Variants in ADAMTSL1 observed in about 807,000 individuals in gnomAD.
The protein encoded by ADAMTSL1 is ADAMTS like 1.
Under a neutral mutation model 201.8 loss-of-function variants are expected in ADAMTSL1, and 126 were observed. That is an observed-to-expected ratio of 0.62 (90% CI 0.54 to 0.72). ADAMTSL1 has a LOEUF of 0.72. Ranked by LOEUF, ADAMTSL1 falls within the 30% of genes least tolerant of loss-of-function variation. The pLI is 0.00. For synonymous variants in ADAMTSL1, 1,121 were observed against 903.4 expected, an observed-to-expected ratio of 1.24 and a Z score of -4.32; for missense variants, 2,679 against 2,277.8, an observed-to-expected ratio of 1.18 and a Z score of -3.59.
At position 18,711,415 on chromosome 9, in the gene ADAMTSL1, G is replaced by A. The variant is rs572118845; in HGVS notation, c.1876+4367G>A. 2.0e-4 allele frequency among the ~76,000 whole-genome samples: 31 copies of A among 152,364 alleles called. No individual in the cohort carries two copies. In the East Asian group the frequency reaches 5.4e-3, roughly 27 times the overall value. On this transcript the variant is annotated intron_variant, in intron 14 of 28. Coordinates refer to ENST00000380548, the MANE Select transcript of ADAMTSL1 (RefSeq NM_001040272.6). ...CACCGTGCGCGAGCCGAAGCAGGGCGAGGCATTGCCTCACTCGGGAAGCGC... is the reference window on the plus strand; with the variant it reads ...CACCGTGCGCGAGCCGAAGCAGGGCAAGGCATTGCCTCACTCGGGAAGCGC...
chr9:18,282,464 C>T (rs960818559), intron 2 of ADAMTSL1, among the ~76,000 whole-genome samples: 4 of 152,150 alleles, frequency 2.6e-5, no homozygotes, highest in Non-Finnish European at 5.9e-5. Context: ...GTGGGAATTT[C>T]TCAGATTAAT....
chr9:18,072,189 C>G (rs965707810), intron 1 of ADAMTSL1, among the ~76,000 whole-genome samples: 5 of 152,158 alleles, frequency 3.3e-5, no homozygotes, highest in African/African-American at 1.2e-4. Context: ...CAAAAATGGG[C>G]TGATTGAAGG....
intron 26 of ADAMTSL1, among the ~76,000 whole-genome samples, chr9:18,897,506 G>A (rs942709756): frequency 1.3e-5 from 2 of 152,238 alleles, no homozygotes; most frequent in South Asian, 2.1e-4. Context: ...AGAGCTCCTA[G>A]AGGAAGGGGC....
intron 2 of ADAMTSL1, among the ~76,000 whole-genome samples, chr9:18,451,815 A>G (rs551562005): frequency 6.6e-6 from 1 of 152,364 alleles, no homozygotes; most frequent in Non-Finnish European, 1.5e-5. Flanking sequence ...GGGAAGTCCA[A>G]GACTGAAGGG....
chr9:18,020,160 A>T (rs1181435867), intron 1 of ADAMTSL1, among the ~76,000 whole-genome samples: 1 of 152,030 alleles, frequency 6.6e-6, no homozygotes, highest in African/African-American at 2.4e-5. Flanking sequence ...AGACCTTGGA[A>T]GTAGATGGAT....
chr9:18,518,290 G>GC (rs1221355863), intron 2 of ADAMTSL1, among the ~76,000 whole-genome samples: 3 of 149,912 alleles, frequency 2.0e-5, no homozygotes, highest in African/African-American at 4.9e-5. Flanking sequence ...TTTCCACCCC[G>GC]CCCCCCAACC....
chr9:18,757,009 C>G (rs868246139), intron 16 of ADAMTSL1, among the ~76,000 whole-genome samples: 19 of 147,252 alleles, frequency 1.3e-4, no homozygotes, highest in African/African-American at 4.3e-4. Flanking sequence ...GCATGGAGTT[C>G]AAGTATTGAT....
chr9:18,306,183 C>T lies in ADAMTSL1; in HGVS notation c.207+142202C>T, dbSNP rs140233851. Among the ~76,000 whole-genome samples the T allele has an allele frequency of 5.7e-3, 872 of 152,216 alleles. 4 individuals are homozygous for T. The highest frequency in any genetic ancestry group is 0.024 in the Middle Eastern group (7 of 292). ...AAGACATCCACACATAAACCACATC[C>T]GAAGATCACCAACATCAAAGACCAA... On this transcript the variant is annotated intron_variant, in intron 2 of 29. Coordinates refer to the ADAMTSL1 transcript ENST00000680146.
At chr9:18,199,709 A>G (rs1829352620) in intron 2 of ADAMTSL1, among the ~76,000 whole-genome samples, 1 of 152,078 alleles carries the variant, frequency 6.6e-6, no homozygotes, top group African/African-American at 2.4e-5. Flanking sequence ...TGAGTTTTTT[A>G]TTTAATTGAG....
At chr9:18,770,469 G>A (rs549690577) in intron 16 of ADAMTSL1, 133 bp from the exon 17 acceptor site, 38 of 923,880 alleles carry the variant, frequency 4.1e-5, no homozygotes, top group African/African-American at 2.2e-4. Flanking sequence ...CCTTTGGGCC[G>A]ATTCCTGGTT....
intron 2 of ADAMTSL1, among the ~76,000 whole-genome samples, chr9:18,409,015 C>A (rs183971567): frequency 1.3e-5 from 2 of 152,158 alleles, no homozygotes; most frequent in African/African-American, 4.8e-5. Context: ...TTTTAACTTA[C>A]TAAGATCATG....
At chr9:18,580,323 G>C (rs1823019426) in intron 4 of ADAMTSL1, among the ~76,000 whole-genome samples, 1 of 152,040 alleles carries the variant, frequency 6.6e-6, no homozygotes, top group Non-Finnish European at 1.5e-5. Flanking sequence ...AATTCCTGTG[G>C]TGAGTAGTTT....
intron 1 of ADAMTSL1, 116 bp downstream of exon 1, chr9:18,474,411 G>A: frequency 9.7e-7 from 1 of 1,030,946 alleles, no homozygotes; most frequent in South Asian, 1.4e-5. Flanking sequence ...TAAAACTCCA[G>A]GTAAAATAAT....
upstream of ADAMTSL1, among the ~76,000 whole-genome samples, chr9:18,473,272 C>T (rs1157428231): frequency 2.6e-5 from 4 of 152,192 alleles, no homozygotes; most frequent in East Asian, 1.9e-4. Context: ...TTCTTTCTCT[C>T]CCGTGGCTAA....
At chr9:18,839,555 G>T (rs1411816097) in intron 23 of ADAMTSL1, among the ~76,000 whole-genome samples, 1 of 152,140 alleles carries the variant, frequency 6.6e-6, no homozygotes, top group Admixed American at 6.5e-5. Flanking sequence ...ACCCAGTAAT[G>T]GGATGGCTGG....
chr9:18,334,917 G>T (rs1383510060), intron 2 of ADAMTSL1, among the ~76,000 whole-genome samples: 2 of 151,994 alleles, frequency 1.3e-5, no homozygotes, highest in Admixed American at 6.6e-5. Context: ...CCCTTTTCCA[G>T]TTCTTTATTT....
chr9:18,098,107 C>T (rs1384161296), intron 1 of ADAMTSL1, among the ~76,000 whole-genome samples: 1 of 151,960 alleles, frequency 6.6e-6, no homozygotes, highest in African/African-American at 2.4e-5. Flanking sequence ...CATTGAATTA[C>T]ATTAGCCTTT....
chr9:18,127,695 A>G (rs533367801), intron 1 of ADAMTSL1, among the ~76,000 whole-genome samples: 2 of 152,242 alleles, frequency 1.3e-5, no homozygotes, highest in South Asian at 2.1e-4. Flanking sequence ...GTCAGCACTG[A>G]GAAGGTTAGT....
chr9:18,762,521 T>C (rs1296666633), intron 16 of ADAMTSL1, among the ~76,000 whole-genome samples: 1 of 152,080 alleles, frequency 6.6e-6, no homozygotes, highest in Non-Finnish European at 1.5e-5. Context: ...TTACACTCTT[T>C]TTAAGTTTTT....
Sources: allele counts gnomAD v4.1 joint callset (sites outside exome capture counted in the v4.1 genomes callset), GRCh38; gene constraint gnomAD v4.1.1; transcripts MANE v1.5; gene names NCBI Gene and HGNC (gene_info 2026-07-23, HGNC 2026-07-21).